Variants in LRRC73 observed in about 807,000 individuals in gnomAD.
LRRC73 encodes the protein leucine rich repeat containing 73.
A neutral mutation model predicts 26.4 loss-of-function variants in LRRC73; 16 were observed. The ratio of observed to expected loss-of-function variants is 0.61; its 90% CI spans 0.41 to 0.92. The LOEUF (loss-of-function observed/expected upper bound fraction) is 0.92, where lower values mean the gene tolerates loss of function less well. LRRC73 is among the 40% of genes least tolerant of loss of function. The probability of loss-of-function intolerance (pLI) is 0.00; values close to 1 mark genes in which losing one functional copy is unlikely to be tolerated. For synonymous variants in LRRC73, 210 were observed against 179.8 expected (o/e 1.17, Z -1.34); for missense variants, 344 against 416.3 (o/e 0.83, Z 1.51).
intron 1 of LRRC73, 111 bp from the exon 2 acceptor site, chr6:43,509,031 T>C (rs1792588470): frequency 9.0e-7 from 1 of 1,109,990 alleles, no homozygotes; most frequent in African/African-American, 1.6e-5. Context: ...GTCACAGCGC[T>C]TGAGAGGCCT....
exon 1 of LRRC73, chr6:43,509,694 C>T: frequency 6.3e-7 from 1 of 1,591,426 alleles, no homozygotes; most frequent in Non-Finnish European, 8.5e-7. Context: ...TGAGAGCAGG[C>T]GCACGGCGTT....
At chr6:43,508,516 GCT>G in intron 2 of LRRC73, 96 bp from the exon 3 acceptor site, 1 of 1,559,298 alleles carries the variant, frequency 6.4e-7, no homozygotes, top group Non-Finnish European at 8.7e-7. Context: ...GTCCCTAGTG[GCT>G]GGGCACCACC....
intron 3 of LRRC73, 94 bp from the exon 4 acceptor site, chr6:43,508,020 C>T (rs941676441): frequency 1.7e-6 from 2 of 1,163,720 alleles, no homozygotes; most frequent in South Asian, 2.9e-5. Context: ...AGATACTAAT[C>T]CCTGGCCAAG....
At chr6:43,507,674 A>G (rs1345416348) in exon 5 of LRRC73, 1 of 1,613,952 alleles carries the variant, frequency 6.2e-7, no homozygotes, top group South Asian at 1.1e-5. Context: ...CATGTCCAGC[A>G]GGGTCTGAAG....
intron 1 of LRRC73, 41 bp from the exon 2 acceptor site, chr6:43,508,961 C>T (rs752736103): frequency 1.8e-5 from 27 of 1,511,372 alleles, no homozygotes; most frequent in Non-Finnish European, 2.3e-5. Context: ...CAGTCCTCCG[C>T]ACTATCTACA....
exon 1 of LRRC73, chr6:43,509,668 G>C (rs1792605427): frequency 1.3e-6 from 2 of 1,594,052 alleles, no homozygotes; most frequent in Non-Finnish European, 1.7e-6. Context: ...CGGTCGCAGA[G>C]GCGGCAGCCG....
exon 1 of LRRC73, chr6:43,509,842 G>GGAGGTT: frequency 7.2e-7 from 1 of 1,395,832 alleles, no homozygotes; most frequent in African/African-American, 1.5e-5. Context: ...GTGGGGCCGC[G>GGAGGTT]GGCGGGGCCG....
intron 2 of LRRC73, 101 bp from the exon 3 acceptor site, chr6:43,508,521 G>GC: frequency 6.5e-7 from 1 of 1,545,756 alleles, no homozygotes. Context: ...TAGTGGCTGG[G>GC]CACCACCTTA....
At chr6:43,507,638 C>G in exon 5 of LRRC73, 1 of 1,614,116 alleles carries the variant, frequency 6.2e-7, no homozygotes, top group Non-Finnish European at 8.5e-7. Flanking sequence ...CACCAGGCTC[C>G]GCAAAGCTGT....
Position 43,507,322 on chromosome 6 carries a change from G to T in LRRC73, c.881-14C>A, listed in dbSNP as rs1792521726. On this transcript the variant is annotated splice_polypyrimidine_tract_variant and intron_variant, in intron 5 of 5. Coordinates refer to ENST00000372441, the Ensembl canonical transcript of LRRC73. Reference sequence around the variant, plus strand: ...GAGAGCTGGGATCTGTGGAAGGGCAGAGAAGTGTTCAGACCACCATTCCTT... The same window carrying T: ...GAGAGCTGGGATCTGTGGAAGGGCATAGAAGTGTTCAGACCACCATTCCTT... The T allele has an allele frequency of 3.1e-6, 5 of 1,613,928 alleles. No homozygotes were observed. In the East Asian group the frequency reaches 1.1e-4, roughly 36 times the overall value.
chr6:43,509,116 G>C (rs553813310), intron 1 of LRRC73, among the ~76,000 whole-genome samples, 196 bp from the exon 2 acceptor site: 5 of 152,058 alleles, frequency 3.3e-5, no homozygotes, highest in Non-Finnish European at 7.4e-5. Flanking sequence ...TTCTGGGGCA[G>C]GGATCCAGGA....
In LRRC73 at chr6:43,510,128, C is replaced by G. The variant is rs1400447347; in HGVS notation, c.-343G>C. Reference sequence around the variant, plus strand: ...TTCCGGGGGTTGGGCAGGCGCTGCTCGGCGCTTGTCCTTGTCCCTCGCGGT... The same window carrying G: ...TTCCGGGGGTTGGGCAGGCGCTGCTGGGCGCTTGTCCTTGTCCCTCGCGGT... On this transcript the variant is annotated 5_prime_UTR_variant, in exon 1 of 6. Coordinates refer to ENST00000372441, the Ensembl canonical transcript of LRRC73. 11 of 194,070 alleles carry G rather than the reference C, an allele frequency of 5.7e-5. No individual in the cohort carries two copies. In the Admixed American group the frequency reaches 6.7e-4, roughly 12 times the overall value. The allele number at this position is 194,070 out of a possible 1,614,324, so 12.0% of individuals were successfully genotyped here.
exon 1 of LRRC73, chr6:43,510,294 CAG>C (rs1379062903): frequency 1.3e-5 from 2 of 152,998 alleles, no homozygotes; most frequent in Admixed American, 6.5e-5. Context: ...GCACGGCTGG[CAG>C]AGAGAGCCTG....
At chr6:43,507,035 C>T (rs561733677) in exon 6 of LRRC73, 41 of 591,828 alleles carry the variant, frequency 6.9e-5, no homozygotes, top group Non-Finnish European at 1.1e-4. Context: ...AAGGCATTGC[C>T]GTGGGTTCAA....
chr6:43,509,836 G>A (rs1267213196), exon 1 of LRRC73: 1 of 1,411,146 alleles, frequency 7.1e-7, no homozygotes, highest in Non-Finnish European at 9.2e-7. Context: ...AGGTTGGTGG[G>A]GCCGCGGGCG....
At chr6:43,507,516 C>G (rs374035530) in exon 5 of LRRC73, 1 of 1,613,496 alleles carries the variant, frequency 6.2e-7, no homozygotes, top group Non-Finnish European at 8.5e-7. Context: ...CGCCCTCTCT[C>G]CCATTCCTGG....
chr6:43,508,828 T>C, exon 2 of LRRC73: 1 of 1,612,768 alleles, frequency 6.2e-7, no homozygotes, highest in Non-Finnish European at 8.5e-7. Context: ...CAGCATGCAG[T>C]CCCCCAGGTC....
chr6:43,509,866 G>T, exon 1 of LRRC73: 2 of 1,297,468 alleles, frequency 1.5e-6, no homozygotes, highest in Non-Finnish European at 9.9e-7. Flanking sequence ...ATAGGGCCGG[G>T]GTCGGGGCCC....
chr6:43,508,695 T>G, intron 2 of LRRC73, 65 bp downstream of exon 2: 1 of 1,535,260 alleles, frequency 6.5e-7, no homozygotes, highest in Non-Finnish European at 8.8e-7. Flanking sequence ...CACACCCCCT[T>G]CCCTCTGCAT....
Sources: gnomAD v4.1 joint callset for allele counts (sites outside exome capture counted in the v4.1 genomes callset) on GRCh38, gnomAD v4.1.1 for gene constraint, MANE v1.5 for transcripts, NCBI Gene and HGNC (gene_info 2026-07-23, HGNC 2026-07-21) for gene names.